CDCA5: variants seen among roughly 807,000 people sequenced by gnomAD.
CDCA5 encodes sororin.
In CDCA5, 14 loss-of-function variants were observed where a neutral mutation model predicts 25.7. The observed-to-expected ratio is 0.54, with a 90% confidence interval of 0.36 to 0.85. CDCA5 has a LOEUF of 0.85. Among genes scored for constraint, CDCA5 ranks in the 40% least tolerant of loss-of-function variants. The pLI, the probability that CDCA5 is intolerant of heterozygous loss-of-function variation, is 0.01. For synonymous variants in CDCA5, 127 were observed against 128.7 expected (o/e 0.99, Z 0.09); for missense variants, 307 against 324.5 (o/e 0.95, Z 0.41).
exon 3 of CDCA5, chr11:65,068,068 G>A: frequency 7.8e-7 from 1 of 1,289,390 alleles, no homozygotes; most frequent in South Asian, 1.2e-5. Context: ...AGGTGTTCAG[G>A]AGTGTAAACA....
At chr11:65,082,065 A>G (rs937027870) in intron 4 of CDCA5, among the ~76,000 whole-genome samples, 4 of 152,176 alleles carry the variant, frequency 2.6e-5, no homozygotes, top group Admixed American at 6.5e-5. Context: ...CCAGTACTGT[A>G]TATCATCCTG....
chr11:65,073,853 T>A (rs1947388350), downstream of CDCA5, among the ~76,000 whole-genome samples: 1 of 152,154 alleles, frequency 6.6e-6, no homozygotes, highest in Non-Finnish European at 1.5e-5. Flanking sequence ...CAAACACGCA[T>A]TCCCCACACC....
Position 65,069,235 on chromosome 11 carries a change from CA to C in CDCA5, c.64-635del, listed in dbSNP as rs538955897. 7.8e-4 allele frequency among the ~76,000 whole-genome samples: 67 copies of C among 85,922 alleles called. 1 individual carries two copies. The South Asian group carries it at 0.01, about 13-fold the overall frequency. The allele number at this position is 85,922 out of a possible 152,430, so 56.4% of individuals were successfully genotyped here. On this transcript the variant is annotated intron_variant, in intron 1 of 6. Coordinates refer to the CDCA5 transcript ENST00000525464. ...AGCCTGGGCTTCAGAGCGAGACTCT[CA>C]AAAAAAAAAAAAAAAAAAAAGCTGA...
At chr11:65,063,569 G>T (rs1947205080), downstream of CDCA5, among the ~76,000 whole-genome samples, 1 of 152,246 alleles carries the variant, frequency 6.6e-6, no homozygotes, top group South Asian at 2.1e-4. Context: ...ACACCAGACA[G>T]CAAGGGGTGG....
At chr11:65,073,469 C>T (rs147319051), downstream of CDCA5, among the ~76,000 whole-genome samples, 30 of 152,226 alleles carry the variant, frequency 2.0e-4, no homozygotes, top group African/African-American at 6.0e-4. Flanking sequence ...AGGGGTGACG[C>T]GTGAGCCAGA....
In CDCA5 at chr11:65,078,981, G is replaced by A; in HGVS notation, c.*126C>T. 4 of 1,318,350 alleles carry A rather than the reference G, an allele frequency of 3.0e-6. No homozygotes were observed. The highest frequency in any genetic ancestry group is 3.9e-6 in the Non-Finnish European group (4 of 1,037,328). The allele number at this position is 1,318,350 out of a possible 1,614,324, so 81.7% of individuals were successfully genotyped here. On this transcript the variant is annotated 3_prime_UTR_variant, in exon 6 of 6. Coordinates refer to ENST00000275517, the MANE Select transcript of CDCA5 (RefSeq NM_080668.4). Reference sequence around the variant, plus strand: ...GCCCTCAAAGGCAGACAGTCCTCATGCGCAGCACCAGCACACACACAGGTA... The same window carrying A: ...GCCCTCAAAGGCAGACAGTCCTCATACGCAGCACCAGCACACACACAGGTA...
rs1947490468 is a variant in CDCA5, at chr11:65,078,518, A to G, written c.*589T>C. 2.0e-6 allele frequency: 2 copies of G among 985,268 alleles called. No individual in the cohort carries two copies. The highest frequency in any genetic ancestry group is 1.2e-4 in the Admixed American group (2 of 16,244). The allele number at this position is 985,268 out of a possible 1,614,324, so 61.0% of individuals were successfully genotyped here. On this transcript the variant is annotated 3_prime_UTR_variant, in exon 6 of 6. Transcript: ENST00000275517. ...GCTCCCTACATCCTTCAAAACTCAG[A>G]CTCCACAGGCTGAATGTCCAGCTTC...
chr11:65,082,548 C>T (rs866754033), intron 4 of CDCA5, among the ~76,000 whole-genome samples: 1 of 151,004 alleles, frequency 6.6e-6, no homozygotes, highest in African/African-American at 2.4e-5. Context: ...CTGCAACCTC[C>T]GCCTCCTGGG....
At position 65,079,804 on chromosome 11, in the gene CDCA5, G is replaced by A. The variant is rs1216183094; in HGVS notation, c.244-17C>T. On this transcript the variant is annotated splice_polypyrimidine_tract_variant and intron_variant, in intron 4 of 5. Transcript: ENST00000275517. ...AAAGGAAATCTGCACCAGGACAGAA[G>A]AGGGGATGCCCTCAATACTTAGCTG... is the stretch of plus-strand genomic sequence containing the variant. The A allele has an allele frequency of 6.9e-7, 1 of 1,454,886 alleles. No homozygotes were observed. Among genetic ancestry groups the A allele is most frequent in the Non-Finnish European group, 9.1e-7 (1 of 1,101,084 alleles). The allele number at this position is 1,454,886 out of a possible 1,614,324, so 90.1% of individuals were successfully genotyped here.
At chr11:65,080,156 C>T (rs1947536563) in intron 4 of CDCA5, among the ~76,000 whole-genome samples, 2 of 152,170 alleles carry the variant, frequency 1.3e-5, no homozygotes, top group Non-Finnish European at 1.5e-5. Context: ...TCCCAAAGTG[C>T]TGGGATTACA....
Position 65,083,930 on chromosome 11 carries a change from C to T in CDCA5, c.46+3G>A. On this transcript the variant is annotated splice_donor_region_variant and intron_variant, in intron 1 of 5. Transcript: ENST00000275517. ...TCACGTCTCCCGCGCGCCCTCCGCT[C>T]ACCGGAGCGCTGAGCGGCTCCTCCG... The T allele has an allele frequency of 6.2e-7, 1 of 1,610,050 alleles. No individual in the cohort carries two copies. The highest frequency in any genetic ancestry group is 8.5e-7 in the Non-Finnish European group (1 of 1,179,854).
chr11:65,078,205 G>A lies in CDCA5; in HGVS notation c.*902C>T, dbSNP rs1450179888. ...TTCTCTTCTAGGGCCAAGTAGACTC[G>A]GTGTAACTTATTTTGTAAGAAATGG... On this transcript the variant is annotated 3_prime_UTR_variant, in exon 6 of 6. Transcript: ENST00000275517. The A allele has an allele frequency of 7.1e-6, 7 of 985,322 alleles. No homozygotes were observed. The African/African-American group carries it at 8.7e-5, about 12-fold the overall frequency. The allele number at this position is 985,322 out of a possible 1,614,324, so 61.0% of individuals were successfully genotyped here.
chr11:65,082,452 T>C (rs1947588415), intron 4 of CDCA5, among the ~76,000 whole-genome samples: 1 of 146,958 alleles, frequency 6.8e-6, no homozygotes, highest in South Asian at 2.1e-4. Flanking sequence ...GGAACAAACC[T>C]ACTTGTCTTT....
Position 65,079,471 on chromosome 11 carries a change from T to A in CDCA5, c.560A>T (p.Lys187Ile), listed in dbSNP as rs1947515625. ...ACAAACCCTGGGGACCTCGGTGAGT[T>A]TGGAGCACACCACTGGCGAGACTCC... ...LSGVSPVVCS[K>I]LTEVPRVCAK... Residue 187 changes from lysine (K) to isoleucine (I), a missense_variant, in exon 5 of 6, where the codon AAA becomes ATA. Coordinates refer to ENST00000275517, the MANE Select transcript of CDCA5 (RefSeq NM_080668.4). 6.2e-7 allele frequency: 1 copy of A among 1,613,992 alleles called. No individual in the cohort carries two copies. Among genetic ancestry groups the A allele is most frequent in the South Asian group, 1.1e-5 (1 of 91,072 alleles).
Position 65,079,629 on chromosome 11 carries a change from T to C in CDCA5, c.402A>G (p.Arg134=), listed in dbSNP as rs776782579. The change falls in exon 5 of 6, where the codon AGA becomes AGG. Residue 134 remains arginine, a synonymous_variant. Coordinates refer to ENST00000275517, the MANE Select transcript of CDCA5 (RefSeq NM_080668.4). ...TGACTTTCTTAGACATTTCCAAGTC[T>C]CTGGCGTCCAGCTCTCCTTCCTTGG... ...SSSKEGELDA[R]DLEMSKKVRR... 1 of 1,609,408 alleles carries C rather than the reference T, an allele frequency of 6.2e-7. No homozygotes were observed. Among genetic ancestry groups the C allele is most frequent in the Admixed American group, 1.7e-5 (1 of 59,576 alleles).
At chr11:65,070,635 C>A (rs1344236859) in intron 1 of CDCA5, among the ~76,000 whole-genome samples, 1 of 152,120 alleles carries the variant, frequency 6.6e-6, no homozygotes, top group African/African-American at 2.4e-5. Context: ...AGGCCTGGCA[C>A]CACACCCAGC....
chr11:65,078,708 C>T lies in CDCA5; in HGVS notation c.*399G>A, dbSNP rs1333171459. 2.0e-6 allele frequency: 2 copies of T among 1,011,012 alleles called. No individual in the cohort carries two copies. Among genetic ancestry groups the T allele is most frequent in the African/African-American group, 1.7e-5 (1 of 58,308 alleles). 62.6% of individuals were successfully genotyped at this position (1,011,012 alleles called of 1,614,324 possible). A position where few individuals can be genotyped will look rare whatever the true frequency, so the allele number is the denominator to read the frequency against. On this transcript the variant is annotated 3_prime_UTR_variant, in exon 6 of 6. Transcript: ENST00000275517. ...GAGGGAGAGGCCGAGGCTGGCAGAG[C>T]CCCTGGGCCTATTTCCAAGCAGCCA...
Position 65,078,523 on chromosome 11 carries a change from A to C in CDCA5, c.*584T>G. On this transcript the variant is annotated 3_prime_UTR_variant, in exon 6 of 6. Coordinates refer to ENST00000275517, the MANE Select transcript of CDCA5 (RefSeq NM_080668.4). Reference sequence around the variant, plus strand: ...CTACATCCTTCAAAACTCAGACTCCACAGGCTGAATGTCCAGCTTCTTCCT... The same window carrying C: ...CTACATCCTTCAAAACTCAGACTCCCCAGGCTGAATGTCCAGCTTCTTCCT... 2 of 985,644 alleles carry C rather than the reference A, an allele frequency of 2.0e-6. No homozygotes were observed. The highest frequency in any genetic ancestry group is 2.4e-6 in the Non-Finnish European group (2 of 830,066). The allele number at this position is 985,644 out of a possible 1,614,324, so 61.1% of individuals were successfully genotyped here. A position where few individuals can be genotyped will look rare whatever the true frequency, so the allele number is the denominator to read the frequency against.
At chr11:65,077,085 A>C (rs2137113295), downstream of CDCA5, among the ~76,000 whole-genome samples, 1 of 152,298 alleles carries the variant, frequency 6.6e-6, no homozygotes. Flanking sequence ...GTCAGAGTTC[A>C]AGACCAGCCT....
Sources: allele counts gnomAD v4.1 joint callset (sites outside exome capture counted in the v4.1 genomes callset), GRCh38; gene constraint gnomAD v4.1.1; transcripts MANE v1.5; gene names NCBI Gene and HGNC (gene_info 2026-07-23, HGNC 2026-07-21).